The following FRMD4B variants were observed in gnomAD, a reference collection of about 807,000 sequenced individuals.
The protein encoded by FRMD4B is FERM domain containing 4B, also known as FERM domain-containing protein 4B.
FRMD4B carries 74 observed loss-of-function variants against 141.5 expected under a neutral mutation model. The observed-to-expected ratio is 0.52, with a 90% confidence interval of 0.43 to 0.63. The LOEUF is 0.63. Among genes scored for constraint, FRMD4B ranks in the 30% least tolerant of loss-of-function variants. The pLI is 0.00. For missense variants in FRMD4B, 1,366 were observed against 1,253.4 expected, an observed-to-expected ratio of 1.09 and a Z score of -1.36; for synonymous variants, 506 against 467.9, an observed-to-expected ratio of 1.08 and a Z score of -1.05.
At chr3:69,509,269 C>T (rs79236488) in intron 1 of FRMD4B, among the ~76,000 whole-genome samples, 8,242 of 152,266 alleles carry the variant, frequency 0.054, 312 homozygotes, top group Non-Finnish European at 0.077. Context: ...CTTGCAGTGC[C>T]ATCTAACTCT....
intron 1 of FRMD4B, among the ~76,000 whole-genome samples, chr3:69,489,157 C>T (rs1443064273): frequency 6.6e-6 from 1 of 151,350 alleles, no homozygotes; most frequent in Non-Finnish European, 1.5e-5. Context: ...AAACTTATAT[C>T]CAGAATATAT....
rs572997249 is a variant in FRMD4B, at chr3:69,279,530, G to A, written c.501+8222C>T. ...GCTGGGGTGCAGTGACATGATCATG[G>A]CTTACTGTAACCTCAAACTCCTGTG... On this transcript the variant is annotated intron_variant, in intron 5 of 22. Transcript: ENST00000398540. Among the ~76,000 whole-genome samples the A allele has an allele frequency of 1.1e-4, 16 of 152,212 alleles. No homozygotes were observed. In the South Asian group the frequency reaches 3.3e-3, roughly 32 times the overall value.
chr3:69,343,416 C>T (rs1045700345), intron 1 of FRMD4B, among the ~76,000 whole-genome samples: 4 of 152,100 alleles, frequency 2.6e-5, no homozygotes, highest in African/African-American at 4.8e-5. Context: ...AAAAACAGAA[C>T]CTTTAACCAC....
intron 1 of FRMD4B, chr3:69,320,882 C>T (rs950840470): frequency 3.0e-5 from 4 of 132,832 alleles, no homozygotes; most frequent in Non-Finnish European, 4.8e-5. Context: ...TGGATTAAAA[C>T]TCCCACCTCG....
chr3:69,519,234 T>C (rs1700815275), intron 1 of FRMD4B, among the ~76,000 whole-genome samples: 1 of 152,152 alleles, frequency 6.6e-6, no homozygotes, highest in African/African-American at 2.4e-5. Flanking sequence ...CAAAGTGATA[T>C]GTGGGTCCTC....
At chr3:69,490,299 G>C (rs1706281514) in intron 1 of FRMD4B, among the ~76,000 whole-genome samples, 1 of 152,172 alleles carries the variant, frequency 6.6e-6, no homozygotes, top group Non-Finnish European at 1.5e-5. Context: ...GAAGTTTTCA[G>C]CACTAGCCAG....
chr3:69,176,495 C>T (rs776027402), intron 22 of FRMD4B, 29 bp downstream of exon 22: 11 of 1,591,150 alleles, frequency 6.9e-6, no homozygotes, highest in Admixed American at 1.7e-5. Context: ...GGAACAGGCT[C>T]CTAGGATTTT....
At chr3:69,330,277 C>CT (rs60162383) in intron 1 of FRMD4B, among the ~76,000 whole-genome samples, 4,679 of 109,448 alleles carry the variant, frequency 0.043, 209 homozygotes, top group East Asian at 0.22. Flanking sequence ...ACTCCTTTGT[C>CT]TTTTTTTTTT....
chr3:69,372,208 C>T (rs190528648), intron 1 of FRMD4B, among the ~76,000 whole-genome samples: 3 of 152,276 alleles, frequency 2.0e-5, no homozygotes, highest in Non-Finnish European at 4.4e-5. Context: ...AATAAAACCT[C>T]GGAAAGAAGC....
intron 1 of FRMD4B, among the ~76,000 whole-genome samples, chr3:69,459,032 G>A (rs779007716): frequency 6.6e-6 from 1 of 152,112 alleles, no homozygotes; most frequent in African/African-American, 2.4e-5. Context: ...TGCTTCCTGA[G>A]ACTCTGAGTC....
chr3:69,256,673 C>G (rs892934732), intron 5 of FRMD4B, among the ~76,000 whole-genome samples: 1 of 152,172 alleles, frequency 6.6e-6, no homozygotes, highest in Admixed American at 6.6e-5. Context: ...CATGCCAACA[C>G]TGAAGACCTC....
chr3:69,303,120 C>CA (rs1209742937), intron 3 of FRMD4B, among the ~76,000 whole-genome samples: 1 of 151,636 alleles, frequency 6.6e-6, no homozygotes, highest in African/African-American at 2.4e-5. Context: ...AACAAACAAA[C>CA]AAAAAAAACT....
chr3:69,405,148 T>C (rs11917290), intron 2 of FRMD4B, among the ~76,000 whole-genome samples: 5,472 of 152,248 alleles, frequency 0.036, 336 homozygotes, highest in African/African-American at 0.12. Context: ...ATGCCAAGAA[T>C]GTTTTCTTTC....
chr3:69,452,594 C>G (rs1276434073), intron 1 of FRMD4B, among the ~76,000 whole-genome samples: 1 of 152,186 alleles, frequency 6.6e-6, no homozygotes, highest in Non-Finnish European at 1.5e-5. Flanking sequence ...GAATCATTAT[C>G]AAATACACAT....
chr3:69,401,801 G>A (rs1192453728), intron 2 of FRMD4B, among the ~76,000 whole-genome samples: 2 of 152,004 alleles, frequency 1.3e-5, no homozygotes, highest in Non-Finnish European at 2.9e-5. Context: ...TGCCTGCCTC[G>A]GCCTCCCAAA....
chr3:69,281,838 A>ATATATAT lies in FRMD4B; in HGVS notation c.501+5913_501+5914insATATATA, dbSNP rs59097815. Reference sequence around the variant, plus strand: ...GACTCCGTCTCAAAAAAAAAAAAAAAATATATATATATATTTTTGCTTACA... The same window carrying ATATATAT: ...GACTCCGTCTCAAAAAAAAAAAAAAATATATATATATATATATATATTTTTGCTTACA... On this transcript the variant is annotated intron_variant, in intron 5 of 22. Transcript: ENST00000398540. Among the ~76,000 whole-genome samples, 176 of 128,206 alleles carry ATATATAT rather than the reference A, an allele frequency of 1.4e-3. 1 individual carries two copies. The highest frequency in any genetic ancestry group is 3.6e-3 in the African/African-American group (125 of 34,768). 84.1% of individuals were successfully genotyped at this position (128,206 alleles called of 152,430 possible).
intron 1 of FRMD4B, among the ~76,000 whole-genome samples, chr3:69,456,094 T>C (rs1465925872): frequency 1.3e-5 from 2 of 152,172 alleles, no homozygotes; most frequent in Non-Finnish European, 2.9e-5. Flanking sequence ...CTTGTGAGCT[T>C]TCCATCACTT....
intron 11 of FRMD4B, among the ~76,000 whole-genome samples, chr3:69,204,815 ATTATCT>A (rs2093006836): frequency 6.6e-6 from 1 of 152,188 alleles, no homozygotes; most frequent in African/African-American, 2.4e-5. Flanking sequence ...TGTTGCATCT[ATTATCT>A]TATGGCGTCT....
intron 1 of FRMD4B, among the ~76,000 whole-genome samples, chr3:69,520,029 A>G (rs1441393452): frequency 5.2e-5 from 5 of 96,220 alleles, no homozygotes; most frequent in African/African-American, 2.8e-4. Context: ...TATATATTCC[A>G]TCATATATAT....
Sources: gnomAD v4.1 joint callset for allele counts (sites outside exome capture counted in the v4.1 genomes callset) on GRCh38, gnomAD v4.1.1 for gene constraint, MANE v1.5 for transcripts, NCBI Gene and HGNC (gene_info 2026-07-23, HGNC 2026-07-21) for gene names.